Variants in MAPK4 observed in about 807,000 individuals in gnomAD.
The protein encoded by MAPK4 is mitogen-activated protein kinase 4, also known as Erk3-related.
In MAPK4, 22 loss-of-function variants were observed where a neutral mutation model predicts 47.7. The observed-to-expected ratio is 0.46, with a 90% CI of 0.33 to 0.66. The LOEUF (loss-of-function observed/expected upper bound fraction) is 0.66. Among genes scored for constraint, MAPK4 ranks in the 30% least tolerant of loss-of-function variants. MAPK4 has a pLI of 0.02. For synonymous variants in MAPK4, 390 were observed against 365.7 expected, an observed-to-expected ratio of 1.07 and a Z score of -0.76; for missense variants, 736 against 831.7, an observed-to-expected ratio of 0.88 and a Z score of 1.42.
At chr18:50,589,124 G>A (rs528353816) in intron 1 of MAPK4, among the ~76,000 whole-genome samples, 3 of 152,162 alleles carry the variant, frequency 2.0e-5, no homozygotes, top group African/African-American at 2.4e-5. Context: ...GCTCTGGTAC[G>A]TGGGTCCCTG....
At chr18:50,717,543 G>A (rs1395480606) in intron 3 of MAPK4, among the ~76,000 whole-genome samples, 1 of 151,536 alleles carries the variant, frequency 6.6e-6, no homozygotes, top group Middle Eastern at 3.2e-3. Flanking sequence ...AGAACCCCAA[G>A]ACCTAGTAAG....
At position 50,731,447 on chromosome 18, in the gene MAPK4, C is replaced by A. The variant is rs1229690477; in HGVS notation, c.*1593C>A. 6.6e-6 allele frequency: 1 copy of A among 152,250 alleles called. No homozygotes were observed. Among genetic ancestry groups the A allele is most frequent in the East Asian group, 1.9e-4 (1 of 5,204 alleles). 9.4% of individuals were successfully genotyped at this position (152,250 alleles called of 1,614,324 possible). A position where few individuals can be genotyped will look rare whatever the true frequency, so the allele number is the denominator to read the frequency against. Reference sequence around the variant, plus strand: ...CCAGTTGGTCTTGGGCTGCGTTCACCCTCACATCACAGCACCTTAAATCTA... The same window carrying A: ...CCAGTTGGTCTTGGGCTGCGTTCACACTCACATCACAGCACCTTAAATCTA... On this transcript the variant is annotated 3_prime_UTR_variant, in exon 6 of 6. Coordinates refer to ENST00000400384, the MANE Select transcript of MAPK4 (RefSeq NM_002747.4).
intron 1 of MAPK4, among the ~76,000 whole-genome samples, chr18:50,616,906 A>G (rs1048298826): frequency 4.6e-5 from 7 of 152,184 alleles, no homozygotes; most frequent in African/African-American, 1.4e-4. Context: ...CCTCATAGAC[A>G]TACCCAGAAA....
At chr18:50,654,286 T>C (rs1215173772) in intron 1 of MAPK4, among the ~76,000 whole-genome samples, 2 of 152,222 alleles carry the variant, frequency 1.3e-5, no homozygotes, top group Non-Finnish European at 2.9e-5. Flanking sequence ...TGATGGCTTA[T>C]TAAATGTGGG....
chr18:50,668,240 C>A (rs533897322), intron 2 of MAPK4, among the ~76,000 whole-genome samples: 1 of 152,304 alleles, frequency 6.6e-6, no homozygotes, highest in Non-Finnish European at 1.5e-5. Context: ...GGGGGCGCAC[C>A]ACCCTCCTGG....
chr18:50,664,633 G>C lies in MAPK4; in HGVS notation c.546+129G>C. 1 of 1,059,360 alleles carries C rather than the reference G, an allele frequency of 9.4e-7. No homozygotes were observed. The allele number at this position is 1,059,360 out of a possible 1,614,324, so 65.6% of individuals were successfully genotyped here. Reference sequence around the variant, plus strand: ...AGTTAGTAATTAGGGGAGGCTGGAGGGTGCTAGGAAGATCACTAGCCTGAA... The same window carrying C: ...AGTTAGTAATTAGGGGAGGCTGGAGCGTGCTAGGAAGATCACTAGCCTGAA... On this transcript the variant is annotated intron_variant, in intron 2 of 5. Coordinates refer to ENST00000400384, the MANE Select transcript of MAPK4 (RefSeq NM_002747.4). This position sits in a 1 kb window ranked among gnomAD's most constrained non-coding sequence, Gnocchi z 6.0.
chr18:50,627,496 C>A (rs986876957), intron 1 of MAPK4, among the ~76,000 whole-genome samples: 11 of 152,208 alleles, frequency 7.2e-5, no homozygotes, highest in African/African-American at 2.4e-4. Flanking sequence ...CCACTCCAGG[C>A]CAAACCGAGC....
intron 1 of MAPK4, among the ~76,000 whole-genome samples, chr18:50,567,305 G>C (rs192485725): frequency 4.5e-4 from 69 of 152,204 alleles, no homozygotes; most frequent in East Asian, 9.7e-4. Context: ...TGTTCTCATT[G>C]TTGTGAACAT....
chr18:50,717,705 G>A (rs908315166), intron 3 of MAPK4, among the ~76,000 whole-genome samples: 5 of 152,188 alleles, frequency 3.3e-5, no homozygotes, highest in Non-Finnish European at 5.9e-5. Flanking sequence ...GCAAGTGGCA[G>A]GGCTAATCAA....
chr18:50,640,382 C>CAAAA (rs34039185), intron 1 of MAPK4, among the ~76,000 whole-genome samples: 1 of 128,838 alleles, frequency 7.8e-6, no homozygotes, highest in East Asian at 2.2e-4. Flanking sequence ...TTCTTGTTTA[C>CAAAA]AAAAAAAAAA....
At chr18:50,719,500 A>T (rs1477170256) in intron 3 of MAPK4, among the ~76,000 whole-genome samples, 1 of 152,122 alleles carries the variant, frequency 6.6e-6, no homozygotes, top group Non-Finnish European at 1.5e-5. Context: ...AACAGGTGGG[A>T]GGGAGGTCTC....
In MAPK4 at chr18:50,664,314, G is replaced by T; in HGVS notation, c.356G>T (p.Gly119Val). The change falls in exon 2 of 6, where the codon GGC becomes GTC. Residue 119 changes from glycine to valine, a missense_variant. By Grantham distance (109) the Gly-to-Val change is moderately radical. This residue lies in a region of MAPK4 where 327 missense variants were observed against 395.4 expected (regional missense o/e 0.83). Coordinates refer to ENST00000400384, the MANE Select transcript of MAPK4 (RefSeq NM_002747.4). The surrounding 1 kb of genome is among the most constrained non-coding windows in gnomAD (Gnocchi z 6.0). ...GACCTGGCACGCCTGCTGGAGCAGG[G>T]CACGCTGGCAGAAGAGCATGCCAAG... ...ETDLARLLEQGTLAEEHAKLF... is the reference protein window; with the variant it reads ...ETDLARLLEQVTLAEEHAKLF... 4 of 1,613,620 alleles carry T rather than the reference G, an allele frequency of 2.5e-6. No homozygotes were observed. Among genetic ancestry groups the T allele is most frequent in the Non-Finnish European group, 2.5e-6 (3 of 1,179,940 alleles).
chr18:50,665,471 T>C (rs546548474), intron 2 of MAPK4, among the ~76,000 whole-genome samples: 1 of 152,346 alleles, frequency 6.6e-6, no homozygotes, highest in East Asian at 1.9e-4. Flanking sequence ...TCCTTGGGAT[T>C]AGGTGTACAG....
At chr18:50,696,802 C>T (rs1202426318) in intron 2 of MAPK4, among the ~76,000 whole-genome samples, 2 of 152,214 alleles carry the variant, frequency 1.3e-5, no homozygotes, top group African/African-American at 4.8e-5. Context: ...CACACCAACA[C>T]CAGCTGATGG....
intron 2 of MAPK4, among the ~76,000 whole-genome samples, chr18:50,672,115 A>G (rs1197084287): frequency 6.6e-6 from 1 of 152,060 alleles, no homozygotes; most frequent in Non-Finnish European, 1.5e-5. Context: ...GTGTGTTTAT[A>G]TTCAGGTCTC....
Position 50,598,100 on chromosome 18 carries a change from C to T in MAPK4, c.-871+37857C>T, listed in dbSNP as rs149448595. 4.5e-3 allele frequency among the ~76,000 whole-genome samples: 687 copies of T among 152,338 alleles called. 5 individuals carry two copies. Among genetic ancestry groups the T allele is most frequent in the Admixed American group, 0.012 (187 of 15,304 alleles). On this transcript the variant is annotated intron_variant, in intron 1 of 5. Coordinates refer to ENST00000400384, the MANE Select transcript of MAPK4 (RefSeq NM_002747.4). The stretch of plus-strand genomic sequence containing the variant: ...TCCTGGGCCTTCACGGCCCCTCCAA[C>T]CACTACCACAACACCCCTTTCTTCC...
At chr18:50,642,217 A>G (rs2042946882) in intron 1 of MAPK4, among the ~76,000 whole-genome samples, 2 of 152,178 alleles carry the variant, frequency 1.3e-5, no homozygotes, top group African/African-American at 2.4e-5. Context: ...TTTTCCCCGC[A>G]GTTTAGCTGC....
At chr18:50,594,000 C>G (rs887311558) in intron 1 of MAPK4, among the ~76,000 whole-genome samples, 25 of 152,182 alleles carry the variant, frequency 1.6e-4, no homozygotes, top group African/African-American at 5.8e-4. Context: ...GATAGTGCAG[C>G]CTTCAGTCTG....
At position 50,678,178 on chromosome 18, in the gene MAPK4, G is replaced by A. The variant is rs907879157; in HGVS notation, c.546+13674G>A. On this transcript the variant is annotated intron_variant, in intron 2 of 5. Coordinates refer to ENST00000400384, the MANE Select transcript of MAPK4 (RefSeq NM_002747.4). The surrounding 1 kb of genome is among the most constrained non-coding windows in gnomAD (Gnocchi z 4.2). ...GTATTAGTTTCTCTTCTAAGATACC[G>A]ATAAAGGGAGTGAAGATGAGTGGGA... Among the ~76,000 whole-genome samples, 19 of 152,206 alleles carry A rather than the reference G, an allele frequency of 1.2e-4. No homozygotes were observed. The highest frequency in any genetic ancestry group is 7.8e-4 in the Admixed American group (12 of 15,288).
Sources: allele counts gnomAD v4.1 joint callset (sites outside exome capture counted in the v4.1 genomes callset), GRCh38; gene constraint gnomAD v4.1.1; regional missense constraint gnomAD v4.1.1; non-coding constraint Gnocchi (gnomAD v3.1); transcripts MANE v1.5; gene names NCBI Gene and HGNC (gene_info 2026-07-23, HGNC 2026-07-21).